SYT16: variants seen among roughly 807,000 people sequenced by gnomAD.
SYT16 encodes synaptotagmin 16, also known as synaptotagmin-16.
A neutral mutation model predicts 61.4 loss-of-function variants in SYT16; 42 were observed. That is an observed-to-expected ratio of 0.68 (90% CI 0.53 to 0.89). The LOEUF is 0.89. Among genes scored for constraint, SYT16 ranks in the 40% least tolerant of loss-of-function variants. The pLI, the probability that SYT16 is intolerant of heterozygous loss-of-function variation, is 0.00. For synonymous variants in SYT16, 314 were observed against 302.3 expected (o/e 1.04, Z -0.40); for missense variants, 804 against 807.3 (o/e 1.00, Z 0.05).
At chr14:62,046,284 C>G (rs1412104613) in intron 3 of SYT16, among the ~76,000 whole-genome samples, 1 of 152,130 alleles carries the variant, frequency 6.6e-6, no homozygotes, top group Non-Finnish European at 1.5e-5. Context: ...CCTTCGCCCA[C>G]TTTTTGATGG....
At chr14:61,946,193 G>C (rs2050429196) in intron 1 of SYT16, among the ~76,000 whole-genome samples, 2 of 152,044 alleles carry the variant, frequency 1.3e-5, no homozygotes, top group Admixed American at 1.3e-4. Context: ...ATGTATCCCG[G>C]AACTTAAAGT....
chr14:62,058,670 C>T (rs887465546), intron 3 of SYT16, among the ~76,000 whole-genome samples: 4 of 152,024 alleles, frequency 2.6e-5, no homozygotes, highest in Non-Finnish European at 1.5e-5. Flanking sequence ...GGCCTAAATT[C>T]TTAAGAAACT....
chr14:62,101,046 T>C lies in SYT16; in HGVS notation c.*339T>C. On this transcript the variant is annotated 3_prime_UTR_variant, in exon 8 of 8. Transcript: ENST00000683842. Reference sequence around the variant, plus strand: ...GTCTCTGTTTGCTTGAAGAGTAACCTGAGATTGCAAGGGAGCTGTTAATTG... The same window carrying C: ...GTCTCTGTTTGCTTGAAGAGTAACCCGAGATTGCAAGGGAGCTGTTAATTG... 1 of 194,364 alleles carries C rather than the reference T, an allele frequency of 5.1e-6. No homozygotes were observed. The highest frequency in any genetic ancestry group is 2.3e-5 in the African/African-American group (1 of 42,824). The allele number at this position is 194,364 out of a possible 1,614,324, so 12.0% of individuals were successfully genotyped here. A position where few individuals can be genotyped will look rare whatever the true frequency, so the allele number is the denominator to read the frequency against.
At chr14:61,947,517 G>C (rs2050495522) in intron 1 of SYT16, among the ~76,000 whole-genome samples, 1 of 152,098 alleles carries the variant, frequency 6.6e-6, no homozygotes, top group South Asian at 2.1e-4. Context: ...TAATTTTCTT[G>C]AGGAATCTTC....
Position 61,995,942 on chromosome 14 carries a change from T to C in SYT16, c.-78T>C. 1.4e-6 allele frequency: 2 copies of C among 1,404,412 alleles called. No individual in the cohort carries two copies. The highest frequency in any genetic ancestry group is 3.0e-5 in the South Asian group (2 of 66,548). The allele number at this position is 1,404,412 out of a possible 1,614,324, so 87.0% of individuals were successfully genotyped here. On this transcript the variant is annotated 5_prime_UTR_variant, in exon 3 of 8. Coordinates refer to ENST00000683842, the MANE Select transcript of SYT16 (RefSeq NM_001367656.1). ...CCTCCAAATTAATTTCTCAACATGC[T>C]TATTCTATAGTTCACATTCAATCCA...
chr14:62,046,510 A>C (rs946835750), intron 3 of SYT16, among the ~76,000 whole-genome samples: 35 of 152,112 alleles, frequency 2.3e-4, no homozygotes, highest in Non-Finnish European at 3.8e-4. Context: ...TTGGTGTTTT[A>C]GACATGAAGT....
At chr14:62,011,926 C>CATATATATATATATATAT (rs142408466) in intron 3 of SYT16, among the ~76,000 whole-genome samples, 11 of 132,822 alleles carry the variant, frequency 8.3e-5, no homozygotes, top group African/African-American at 1.7e-4. Context: ...CACACACACA[C>CATATATATATATATATAT]ATATATATAT....
At chr14:62,099,968 G>T (rs536091344) in intron 7 of SYT16, among the ~76,000 whole-genome samples, 1 of 152,102 alleles carries the variant, frequency 6.6e-6, no homozygotes, top group Non-Finnish European at 1.5e-5. Flanking sequence ...AGTGAGAAAA[G>T]AATTCTCCAA....
At chr14:61,966,254 T>G (rs940304232) in intron 1 of SYT16, among the ~76,000 whole-genome samples, 2 of 152,124 alleles carry the variant, frequency 1.3e-5, no homozygotes, top group African/African-American at 4.8e-5. Context: ...CTCTTCATAT[T>G]ACCTTCAATC....
At chr14:61,863,847 C>T (rs1052087784) in intron 1 of SYT16, among the ~76,000 whole-genome samples, 5 of 152,252 alleles carry the variant, frequency 3.3e-5, no homozygotes, top group Admixed American at 1.3e-4. Flanking sequence ...CCAGTTGTTC[C>T]AGCACCAGTC....
At chr14:61,929,400 T>C (rs540124053) in intron 1 of SYT16, among the ~76,000 whole-genome samples, 5 of 152,280 alleles carry the variant, frequency 3.3e-5, no homozygotes, top group Admixed American at 1.3e-4. Flanking sequence ...TAGGGGAGGA[T>C]GCGTACAAGT....
intron 2 of SYT16, among the ~76,000 whole-genome samples, chr14:61,987,117 G>A (rs2052349718): frequency 6.6e-6 from 1 of 152,126 alleles, no homozygotes; most frequent in African/African-American, 2.4e-5. Flanking sequence ...TATGGCGGGG[G>A]GAAAACATTC....
chr14:62,044,757 G>A (rs760994314), intron 3 of SYT16, among the ~76,000 whole-genome samples: 4 of 151,990 alleles, frequency 2.6e-5, no homozygotes, highest in Non-Finnish European at 2.9e-5. Flanking sequence ...GCTGACTGCC[G>A]GACTTGAGTA....
chr14:61,865,016 C>T (rs2047098247), intron 1 of SYT16: 2 of 1,414,626 alleles, frequency 1.4e-6, no homozygotes, highest in South Asian at 1.1e-5. Flanking sequence ...CTTTGATGCC[C>T]TGAGAGGGCA....
chr14:61,841,559 C>T (rs1421759337), intron 1 of SYT16, among the ~76,000 whole-genome samples: 1 of 151,878 alleles, frequency 6.6e-6, no homozygotes, highest in South Asian at 2.1e-4. Context: ...GTATATGTGC[C>T]TGTTACATGG....
At chr14:62,041,005 T>A (rs2054708101) in intron 3 of SYT16, among the ~76,000 whole-genome samples, 1 of 152,190 alleles carries the variant, frequency 6.6e-6, no homozygotes, top group Admixed American at 6.5e-5. Flanking sequence ...ATAGGCCGTC[T>A]GCAAGCTGAG....
chr14:62,043,121 G>A (rs1287936204), intron 3 of SYT16, among the ~76,000 whole-genome samples: 3 of 139,638 alleles, frequency 2.1e-5, no homozygotes, highest in African/African-American at 8.1e-5. Context: ...TTTTTACATA[G>A]AAAGTTCTAT....
chr14:62,100,285 G>A (rs2057387513), intron 7 of SYT16, 109 bp from the exon 8 acceptor site: 2 of 952,712 alleles, frequency 2.1e-6, no homozygotes, highest in Admixed American at 5.7e-5. Context: ...TGATCAGTAT[G>A]TTGAAAGGAG....
At chr14:61,923,634 A>G (rs2049423989) in intron 1 of SYT16, among the ~76,000 whole-genome samples, 2 of 152,128 alleles carry the variant, frequency 1.3e-5, no homozygotes, top group South Asian at 4.1e-4. Context: ...CTGGAGAGAA[A>G]CTTTATTTAT....
Sources: allele counts gnomAD v4.1 joint callset (sites outside exome capture counted in the v4.1 genomes callset), GRCh38; gene constraint gnomAD v4.1.1; transcripts MANE v1.5; gene names NCBI Gene and HGNC (gene_info 2026-07-23, HGNC 2026-07-21).